SLC24A2: variants seen among roughly 807,000 people sequenced by gnomAD.
SLC24A2 encodes solute carrier family 24 member 2, also known as sodium/potassium/calcium exchanger 2.
A neutral mutation model predicts 62.0 loss-of-function variants in SLC24A2; 36 were observed. The ratio of observed to expected loss-of-function variants is 0.58; its 90% CI spans 0.44 to 0.77. The LOEUF (loss-of-function observed/expected upper bound fraction) is 0.77. Among genes scored for constraint, SLC24A2 ranks in the 30% least tolerant of loss-of-function variants. The pLI, the probability that SLC24A2 is intolerant of heterozygous loss-of-function variation, is 0.00. For synonymous variants in SLC24A2, 358 were observed against 294.0 expected (o/e 1.22, Z -2.23); for missense variants, 846 against 817.9 (o/e 1.03, Z -0.42).
Position 19,728,157 on chromosome 9 carries a change from C to T in SLC24A2, c.930+57780G>A, listed in dbSNP as rs564473861. Among the ~76,000 whole-genome samples, 21 of 152,300 alleles carry T rather than the reference C, an allele frequency of 1.4e-4. 1 individual carries two copies. The highest frequency in any genetic ancestry group is 4.6e-4 in the African/African-American group (19 of 41,568). Reference sequence around the variant, plus strand: ...TGGCACAACTGGCCTTTACCCAAGGCTGTGCCCTTTCTAAGAGCAGCAGTT... The same window carrying T: ...TGGCACAACTGGCCTTTACCCAAGGTTGTGCCCTTTCTAAGAGCAGCAGTT... On this transcript the variant is annotated intron_variant, in intron 2 of 10. Transcript: ENST00000341998.
At chr9:20,071,136 C>T in the SLC24A2 span, among the ~76,000 whole-genome samples, 3 of 152,192 alleles carry the variant, frequency 2.0e-5, no homozygotes, top group African/African-American at 7.2e-5. Flanking sequence ...CCTGAGGCCA[C>T]TCTAGAAGCA....
chr9:19,522,435 G>C (rs1701628727), intron 9 of SLC24A2, among the ~76,000 whole-genome samples: 2 of 152,116 alleles, frequency 1.3e-5, no homozygotes. Flanking sequence ...AAAATTTAAA[G>C]GGCCAAAATA....
chr9:19,867,089 G>A, the SLC24A2 span, among the ~76,000 whole-genome samples: 1 of 152,062 alleles, frequency 6.6e-6, no homozygotes, highest in African/African-American at 2.4e-5. Context: ...TAATACAAAG[G>A]AAAAATTCTT....
At chr9:19,580,181 A>T (rs1586991265) in intron 5 of SLC24A2, among the ~76,000 whole-genome samples, 1 of 152,338 alleles carries the variant, frequency 6.6e-6, no homozygotes, top group Non-Finnish European at 1.5e-5. Context: ...AGACCTCTTC[A>T]ACTTCTGCAA....
chr9:19,898,751 A>T, the SLC24A2 span, among the ~76,000 whole-genome samples: 564 of 150,254 alleles, frequency 3.8e-3, 8 homozygotes, highest in African/African-American at 0.013. Flanking sequence ...CAAAAAAAAA[A>T]AAAAAAAAAA....
chr9:19,633,788 G>C (rs1026325360), intron 2 of SLC24A2, among the ~76,000 whole-genome samples: 2 of 151,882 alleles, frequency 1.3e-5, no homozygotes, highest in Admixed American at 6.6e-5. Context: ...TAATTGGATT[G>C]TTTGTTTCCT....
chr9:20,208,188 TG>T, the SLC24A2 span, among the ~76,000 whole-genome samples: 3 of 152,134 alleles, frequency 2.0e-5, no homozygotes, highest in African/African-American at 7.2e-5. Flanking sequence ...TAGGCACATG[TG>T]GGTGTTAACC....
the SLC24A2 span, among the ~76,000 whole-genome samples, chr9:20,282,449 A>C: frequency 5.8e-4 from 89 of 152,312 alleles, 1 homozygote; most frequent in East Asian, 0.011. Context: ...CTATCATGAC[A>C]AACCTACACA....
At chr9:19,845,880 C>T in the SLC24A2 span, among the ~76,000 whole-genome samples, 3 of 151,948 alleles carry the variant, frequency 2.0e-5, no homozygotes, top group African/African-American at 4.8e-5. Flanking sequence ...GTTTAATTTC[C>T]ATGTAACTGT....
intron 2 of SLC24A2, among the ~76,000 whole-genome samples, chr9:19,644,593 G>A (rs573467918): frequency 7.2e-5 from 11 of 152,230 alleles, no homozygotes; most frequent in East Asian, 1.9e-4. Context: ...CTAATTTATC[G>A]TGCTGCCCTC....
At chr9:19,742,565 T>A (rs950884766) in intron 2 of SLC24A2, among the ~76,000 whole-genome samples, 1 of 151,808 alleles carries the variant, frequency 6.6e-6, no homozygotes, top group African/African-American at 2.4e-5. Flanking sequence ...TGTTCTTAAA[T>A]TTTTTTTTAA....
At chr9:19,907,724 C>T in the SLC24A2 span, among the ~76,000 whole-genome samples, 1 of 152,196 alleles carries the variant, frequency 6.6e-6, no homozygotes, top group Non-Finnish European at 1.5e-5. Context: ...TGAGTGAACT[C>T]TCATTCACAA....
At chr9:20,192,320 G>T in the SLC24A2 span, among the ~76,000 whole-genome samples, 2 of 152,086 alleles carry the variant, frequency 1.3e-5, no homozygotes, top group African/African-American at 4.8e-5. Context: ...CTGGAAAGTT[G>T]CACTAAAGAC....
the SLC24A2 span, among the ~76,000 whole-genome samples, chr9:19,943,664 T>A: frequency 6.6e-6 from 1 of 152,214 alleles, no homozygotes; most frequent in Non-Finnish European, 1.5e-5. Flanking sequence ...TGCTAATCTA[T>A]CTGTATTTCT....
At chr9:19,642,101 G>A (rs113375235) in intron 2 of SLC24A2, among the ~76,000 whole-genome samples, 3 of 152,140 alleles carry the variant, frequency 2.0e-5, no homozygotes, top group Non-Finnish European at 2.9e-5. Context: ...TCAGGGTATA[G>A]GGAGAGACTG....
chr9:19,792,536 CAAAAAAAAAAAAAA>C (rs1165695410), upstream of SLC24A2, among the ~76,000 whole-genome samples: 1 of 74,592 alleles, frequency 1.3e-5, no homozygotes, highest in African/African-American at 4.9e-5. Flanking sequence ...ACTAAAAATA[CAAAAAAAAAAAAAA>C]AAAAAAAAAA....
rs1818321027 is a variant in SLC24A2 at position 19,636,305 on chromosome 9, T to TTTCC, written c.931-14007_931-14006insGGAA. On this transcript the variant is annotated intron_variant, in intron 2 of 10. Transcript: ENST00000341998. ...TCTTCTCTTCTTTTCTTTTCTTTTC[T>TTTCC]TTTCTTTTCTTTTCTTTCTTTCTTT... is the stretch of plus-strand genomic sequence containing the variant. Among the ~76,000 whole-genome samples, 53 of 44,928 alleles carry TTTCC rather than the reference T, an allele frequency of 1.2e-3. 6 individuals carry two copies. The highest frequency in any genetic ancestry group is 3.9e-3 in the African/African-American group (46 of 11,768). 29.5% of individuals were successfully genotyped at this position (44,928 alleles called of 152,430 possible).
chr9:19,981,338 T>C, the SLC24A2 span, among the ~76,000 whole-genome samples: 2 of 152,252 alleles, frequency 1.3e-5, no homozygotes, highest in South Asian at 4.2e-4. Context: ...CAAAATAGAA[T>C]CTCTGACTCC....
At chr9:19,566,776 A>C (rs934512394) in intron 7 of SLC24A2, among the ~76,000 whole-genome samples, 37 of 152,360 alleles carry the variant, frequency 2.4e-4, no homozygotes, top group Middle Eastern at 3.4e-3. Flanking sequence ...AATACTATGC[A>C]GCCATAAAAA....
Sources: allele counts gnomAD v4.1 joint callset (sites outside exome capture counted in the v4.1 genomes callset), GRCh38; gene constraint gnomAD v4.1.1; transcripts MANE v1.5; gene names NCBI Gene and HGNC (gene_info 2026-07-23, HGNC 2026-07-21).